The following NAB1 variants were observed in gnomAD, a reference collection of about 807,000 sequenced individuals.
NAB1 encodes NGFI-A binding protein 1, also known as NGFI-A-binding protein 1.
NAB1 carries 25 observed loss-of-function variants against 49.9 expected under a neutral mutation model. That is an observed-to-expected ratio of 0.50 (90% CI 0.37 to 0.70). The LOEUF (loss-of-function observed/expected upper bound fraction) is 0.70, where lower values mean the gene tolerates loss of function less well. Among genes scored for constraint, NAB1 ranks in the 30% least tolerant of loss-of-function variants. The pLI is 0.00. For missense variants in NAB1, 489 were observed against 575.9 expected (o/e 0.85, Z 1.54); for synonymous variants, 198 against 215.6 (o/e 0.92, Z 0.71).
At position 190,680,420 on chromosome 2, in the gene NAB1, T is replaced by C. The variant is rs1310440887; in HGVS notation, c.1006-3318T>C. Among the ~76,000 whole-genome samples, 2 of 152,196 alleles carry C rather than the reference T, an allele frequency of 1.3e-5. No individual in the cohort carries two copies. Reference sequence around the variant, plus strand: ...GGCATCTGTACCAGCTGCTTTCTTTTGGAACTCTCAGCCTAGACACCCTGG... The same window carrying C: ...GGCATCTGTACCAGCTGCTTTCTTTCGGAACTCTCAGCCTAGACACCCTGG... On this transcript the variant is annotated intron_variant, in intron 6 of 9. Transcript: ENST00000337386. This position sits in a 1 kb window ranked among gnomAD's most constrained non-coding sequence, Gnocchi z 5.2.
chr2:190,685,462 G>C lies in NAB1; in HGVS notation c.1096-14G>C. The C allele has an allele frequency of 1.9e-6, 3 of 1,589,690 alleles. No individual in the cohort carries two copies. Among genetic ancestry groups the C allele is most frequent in the Non-Finnish European group, 2.6e-6 (3 of 1,169,974 alleles). On this transcript the variant is annotated splice_polypyrimidine_tract_variant and intron_variant, in intron 7 of 9. Transcript: ENST00000337386. The surrounding 1 kb of genome is among the most constrained non-coding windows in gnomAD (Gnocchi z 4.5). Reference sequence around the variant, plus strand: ...TGTTTCAGTTACTGATTTGATTTTTGCTTTACTTACTAGCAGCCTGAAAAG... The same window carrying C: ...TGTTTCAGTTACTGATTTGATTTTTCCTTTACTTACTAGCAGCCTGAAAAG...
rs931737674 is a variant in NAB1 at position 190,667,455 on chromosome 2, G to T, written c.820-2871G>T. Among the ~76,000 whole-genome samples, 1 of 152,104 alleles carries T rather than the reference G, an allele frequency of 6.6e-6. No homozygotes were observed. The highest frequency in any genetic ancestry group is 1.5e-5 in the Non-Finnish European group (1 of 68,028). On this transcript the variant is annotated intron_variant, in intron 4 of 9. Coordinates refer to ENST00000337386, the MANE Select transcript of NAB1 (RefSeq NM_005966.4). This position sits in a 1 kb window ranked among gnomAD's most constrained non-coding sequence, Gnocchi z 4.4. ...TGCCATGCTGAAACTGATTTATTTTGAATATCATTATTTAAAGTATACATT... is the reference window on the plus strand; with the variant it reads ...TGCCATGCTGAAACTGATTTATTTTTAATATCATTATTTAAAGTATACATT...
At chr2:190,655,377 T>G (rs1380098314) in intron 2 of NAB1, among the ~76,000 whole-genome samples, 1 of 152,152 alleles carries the variant, frequency 6.6e-6, no homozygotes, top group Non-Finnish European at 1.5e-5. Flanking sequence ...TAGTGATAAT[T>G]AAAGCCTGGG....
At chr2:190,673,184 A>G in intron 6 of NAB1, 32 bp downstream of exon 6, 2 of 1,601,906 alleles carry the variant, frequency 1.2e-6, no homozygotes, top group Non-Finnish European at 1.7e-6. Flanking sequence ...TCTTATGCTG[A>G]TAATGTTTGC....
chr2:190,688,096 G>C (rs1212031831), intron 9 of NAB1, among the ~76,000 whole-genome samples: 1 of 152,186 alleles, frequency 6.6e-6, no homozygotes, highest in Non-Finnish European at 1.5e-5. Flanking sequence ...AGCACAATTT[G>C]AAAGAATCTG....
In NAB1 at chr2:190,670,575, TC is replaced by T. The variant is rs1694752812; in HGVS notation, c.953+117del. The stretch of plus-strand genomic sequence containing the variant: ...GAAAAAGTGGAAGTATGATTATTGT[TC>T]TATGAAACTAAACAATGCAGTGATT... On this transcript the variant is annotated intron_variant, in intron 5 of 9. Transcript: ENST00000337386. This position sits in a 1 kb window ranked among gnomAD's most constrained non-coding sequence, Gnocchi z 5.3. 4 of 1,151,016 alleles carry T rather than the reference TC, an allele frequency of 3.5e-6. No homozygotes were observed. In the South Asian group the frequency reaches 6.2e-5, roughly 18 times the overall value. The allele number at this position is 1,151,016 out of a possible 1,614,324, so 71.3% of individuals were successfully genotyped here. A position where few individuals can be genotyped will look rare whatever the true frequency, so the allele number is the denominator to read the frequency against.
chr2:190,681,212 A>AC (rs1028958668), intron 6 of NAB1, among the ~76,000 whole-genome samples: 1 of 152,176 alleles, frequency 6.6e-6, no homozygotes, highest in Admixed American at 6.5e-5. Context: ...AAAAAAGGAA[A>AC]CCCAGTCTTG....
rs1235520843 is a variant in NAB1 at position 190,651,846 on chromosome 2, TATA to T, written c.-197+1867_-197+1869del. Among the ~76,000 whole-genome samples the T allele has an allele frequency of 6.6e-6, 1 of 152,240 alleles. No homozygotes were observed. The highest frequency in any genetic ancestry group is 1.5e-5 in the Non-Finnish European group (1 of 68,046). On this transcript the variant is annotated intron_variant, in intron 2 of 9. Transcript: ENST00000337386. This position sits in a 1 kb window ranked among gnomAD's most constrained non-coding sequence, Gnocchi z 4.3. The stretch of plus-strand genomic sequence containing the variant: ...TGAACAGTTTAAGATCATGCTAATG[TATA>T]ATCAACCCGTCTATGCATATTTCAT...
rs1694773608 is a variant in NAB1, at chr2:190,670,938, A to G, written c.953+479A>G. ...ATTGAAAGATACTTCTATTACTAGC[A>G]CATGGGTTATGGAACACAAGTTTGA... On this transcript the variant is annotated intron_variant, in intron 5 of 9. Coordinates refer to ENST00000337386, the MANE Select transcript of NAB1 (RefSeq NM_005966.4). This position sits in a 1 kb window ranked among gnomAD's most constrained non-coding sequence, Gnocchi z 5.3. 6.6e-6 allele frequency among the ~76,000 whole-genome samples: 1 copy of G among 152,246 alleles called. No individual in the cohort carries two copies. The highest frequency in any genetic ancestry group is 1.5e-5 in the Non-Finnish European group (1 of 68,038).
rs1044160922 is a variant in NAB1 at position 190,669,616 on chromosome 2, T to G, written c.820-710T>G. On this transcript the variant is annotated intron_variant, in intron 4 of 9. Transcript: ENST00000337386. The surrounding 1 kb of genome is among the most constrained non-coding windows in gnomAD (Gnocchi z 4.3). ...TGATATACCTCTTGACAGTTTCCTA[T>G]ATCTATTGACAAAATTATGTGAAAA... is the stretch of plus-strand genomic sequence containing the variant. 6.6e-6 allele frequency among the ~76,000 whole-genome samples: 1 copy of G among 152,222 alleles called. No individual in the cohort carries two copies. Among genetic ancestry groups the G allele is most frequent in the African/African-American group, 2.4e-5 (1 of 41,462 alleles).
rs1695113034 is a variant in NAB1, at chr2:190,677,117, T to C, written c.1005+3965T>C. The C allele has an allele frequency of 1.3e-5, 2 of 152,202 alleles. No individual in the cohort carries two copies. Among genetic ancestry groups the C allele is most frequent in the Admixed American group, 6.5e-5 (1 of 15,278 alleles). The allele number at this position is 152,202 out of a possible 1,614,324, so 9.4% of individuals were successfully genotyped here. A position where few individuals can be genotyped will look rare whatever the true frequency, so the allele number is the denominator to read the frequency against. The stretch of plus-strand genomic sequence containing the variant: ...TTGGGTGGAATGAAGTTATAATTCA[T>C]TGACTTGTCTGATTTTTCTACCTGG... On this transcript the variant is annotated intron_variant, in intron 6 of 9. Coordinates refer to ENST00000337386, the MANE Select transcript of NAB1 (RefSeq NM_005966.4). This position sits in a 1 kb window ranked among gnomAD's most constrained non-coding sequence, Gnocchi z 5.6.
chr2:190,657,503 A>C lies in NAB1; in HGVS notation c.-20+1350A>C, dbSNP rs532980781. On this transcript the variant is annotated intron_variant, in intron 3 of 9. Coordinates refer to ENST00000337386, the MANE Select transcript of NAB1 (RefSeq NM_005966.4). This position sits in a 1 kb window ranked among gnomAD's most constrained non-coding sequence, Gnocchi z 4.4. ...GCACCTGGGAAACTGTATTTTTCAAAAGCACCCCAGGTGATTTCCTGGGTT... is the reference window on the plus strand; with the variant it reads ...GCACCTGGGAAACTGTATTTTTCAACAGCACCCCAGGTGATTTCCTGGGTT... Among the ~76,000 whole-genome samples the C allele has an allele frequency of 4.6e-5, 7 of 152,190 alleles. No individual in the cohort carries two copies. Among genetic ancestry groups the C allele is most frequent in the African/African-American group, 1.7e-4 (7 of 41,438 alleles).
rs956000518 is a variant in NAB1, at chr2:190,685,619, C to T, written c.1239C>T (p.Ser413=). The T allele has an allele frequency of 4.4e-6, 7 of 1,609,088 alleles. No homozygotes were observed. The highest frequency in any genetic ancestry group is 5.1e-6 in the Non-Finnish European group (6 of 1,178,108). Residue 413 remains serine, a synonymous_variant, in exon 8 of 10, where the codon TCC becomes TCT. Transcript: ENST00000337386. The surrounding 1 kb of genome is among the most constrained non-coding windows in gnomAD (Gnocchi z 4.5). ...SEEHSPNGLT[S]DNSDGQGERP... is the part of the protein sequence containing the mutation. ...AGCACAGTCCTAACGGCTTGACTTC[C>T]GATAACTCAGATGGACAAGGTACAT...
rs1694316565 is a variant in NAB1, at chr2:190,663,273, A to G, written c.819+3278A>G. The stretch of plus-strand genomic sequence containing the variant: ...AACTTAGTGGCGTAAAGTTATTTAT[A>G]GTTTTTTAAGACCTAATATTGACCT... On this transcript the variant is annotated intron_variant, in intron 4 of 9. Transcript: ENST00000337386. This position sits in a 1 kb window ranked among gnomAD's most constrained non-coding sequence, Gnocchi z 4.2. 6.6e-6 allele frequency among the ~76,000 whole-genome samples: 1 copy of G among 152,214 alleles called. No homozygotes were observed. Among genetic ancestry groups the G allele is most frequent in the African/African-American group, 2.4e-5 (1 of 41,450 alleles).
At chr2:190,673,066 A>G in intron 5 of NAB1, 35 bp from the exon 6 acceptor site, 1 of 1,434,346 alleles carries the variant, frequency 7.0e-7, no homozygotes, top group South Asian at 1.2e-5. Context: ...TACTTTCTCA[A>G]GTTTTTTTTT....
rs1695618619 is a variant in NAB1 at position 190,686,586 on chromosome 2, G to A, written c.1259-615G>A. 6.6e-6 allele frequency among the ~76,000 whole-genome samples: 1 copy of A among 152,118 alleles called. No individual in the cohort carries two copies. On this transcript the variant is annotated intron_variant, in intron 8 of 9. Transcript: ENST00000337386. This position sits in a 1 kb window ranked among gnomAD's most constrained non-coding sequence, Gnocchi z 5.5. ...ACAGGAACCTCTGAGTTGAGGTCTTGTTTAACTTCTCCAATTATCCTTAAC... is the reference window on the plus strand; with the variant it reads ...ACAGGAACCTCTGAGTTGAGGTCTTATTTAACTTCTCCAATTATCCTTAAC...
At position 190,664,586 on chromosome 2, in the gene NAB1, C is replaced by CTTTTTTTTTT. The variant is rs71027237; in HGVS notation, c.819+4610_819+4619dup. Among the ~76,000 whole-genome samples, 17 of 61,156 alleles carry CTTTTTTTTTT rather than the reference C, an allele frequency of 2.8e-4. 1 individual carries two copies. Among genetic ancestry groups the CTTTTTTTTTT allele is most frequent in the African/African-American group, 7.2e-4 (11 of 15,256 alleles). The allele number at this position is 61,156 out of a possible 152,430, so 40.1% of individuals were successfully genotyped here. On this transcript the variant is annotated intron_variant, in intron 4 of 9. Transcript: ENST00000337386. ...TCTTCCTCTCTTTCTTTCTTCTTTC[C>CTTTTTTTTTT]TTTTTTTTTTTTTTTTTTTTTTTTT...
In NAB1 at chr2:190,690,280, G is replaced by A; in HGVS notation, c.1411G>A (p.Ala471Thr). 1 of 1,612,872 alleles carries A rather than the reference G, an allele frequency of 6.2e-7. No individual in the cohort carries two copies. Among genetic ancestry groups the A allele is most frequent in the Non-Finnish European group, 8.5e-7 (1 of 1,179,280 alleles). ...GATTTTAAAAGACTACCCTCATTCA[G>A]CTTTTACCTTAGAAAAGAAAGTCAT... ...LGILKDYPHSAFTLEKKVIKT... is the reference protein window; with the variant it reads ...LGILKDYPHSTFTLEKKVIKT... Residue 471 changes from alanine to threonine, a missense_variant, in exon 10 of 10, where the codon GCT becomes ACT. Physicochemically the swap from Ala to Thr is moderately conservative, Grantham distance 58. This residue lies in a region of NAB1 where 212 missense variants were observed against 199.3 expected (regional missense o/e 1.06). Transcript: ENST00000337386.
intron 6 of NAB1, among the ~76,000 whole-genome samples, chr2:190,673,392 C>T (rs1042146043): frequency 7.9e-5 from 12 of 152,020 alleles, no homozygotes; most frequent in East Asian, 1.9e-4. Context: ...GATGTGGTCT[C>T]GCTATGTTGC....
Sources: allele counts gnomAD v4.1 joint callset (sites outside exome capture counted in the v4.1 genomes callset), GRCh38; gene constraint gnomAD v4.1.1; regional missense constraint gnomAD v4.1.1; non-coding constraint Gnocchi (gnomAD v3.1); transcripts MANE v1.5; gene names NCBI Gene and HGNC (gene_info 2026-07-23, HGNC 2026-07-21).